Variants in ANKRD26 observed in about 807,000 individuals in gnomAD.
The protein encoded by ANKRD26 is ankyrin repeat domain-containing protein 26.
Under a neutral mutation model 208.7 loss-of-function variants are expected in ANKRD26, and 141 were observed. That is an observed-to-expected ratio of 0.68 (90% CI 0.59 to 0.78). The LOEUF (loss-of-function observed/expected upper bound fraction) is 0.78. ANKRD26 is among the 30% of genes least tolerant of loss of function. The pLI, the probability that ANKRD26 is intolerant of heterozygous loss-of-function variation, is 0.00. For synonymous variants in ANKRD26, 636 were observed against 660.4 expected, an observed-to-expected ratio of 0.96 and a Z score of 0.57; for missense variants, 1,889 against 1,938.7, an observed-to-expected ratio of 0.97 and a Z score of 0.48.
intron 25 of ANKRD26, among the ~76,000 whole-genome samples, chr10:27,032,914 A>G (rs1204998199): frequency 6.6e-6 from 1 of 151,350 alleles, no homozygotes; most frequent in Non-Finnish European, 1.5e-5. Flanking sequence ...TACTAAAAAA[A>G]ACCACAAAAA....
At chr10:27,013,178 C>T in intron 31 of ANKRD26, 68 bp from the exon 32 acceptor site, 1 of 1,414,868 alleles carries the variant, frequency 7.1e-7, no homozygotes. Context: ...AAAAGACTTG[C>T]AATTTTTAAA....
chr10:26,999,858 A>G (rs1404865942), downstream of ANKRD26, among the ~76,000 whole-genome samples: 1 of 152,032 alleles, frequency 6.6e-6, no homozygotes, highest in Non-Finnish European at 1.5e-5. Context: ...ACAGAAACAA[A>G]CAAGCAAAAC....
chr10:27,062,774 T>G (rs11015500), intron 12 of ANKRD26, among the ~76,000 whole-genome samples: 1 of 148,872 alleles, frequency 6.7e-6, no homozygotes, highest in Non-Finnish European at 1.5e-5. Context: ...TTCTTTCTTT[T>G]TTTTTTTTTT....
chr10:27,046,628 A>G, intron 17 of ANKRD26, 105 bp from the exon 18 acceptor site: 1 of 1,130,034 alleles, frequency 8.8e-7, no homozygotes, highest in Non-Finnish European at 1.3e-6. Context: ...AATCCATTAA[A>G]AAGCCAATGT....
At chr10:27,064,711 GA>G (rs1259701106) in intron 11 of ANKRD26, among the ~76,000 whole-genome samples, 3 of 152,010 alleles carry the variant, frequency 2.0e-5, no homozygotes, top group Non-Finnish European at 4.4e-5. Context: ...TTACTGATAG[GA>G]AAATGGTTGA....
Position 27,022,649 on chromosome 10 carries a change from T to C in ANKRD26, c.4124A>G (p.Asn1375Ser), listed in dbSNP as rs1468890522. 1 of 1,583,162 alleles carries C rather than the reference T, an allele frequency of 6.3e-7. No homozygotes were observed. Among genetic ancestry groups the C allele is most frequent in the South Asian group, 1.1e-5 (1 of 90,266 alleles). The change falls in exon 29 of 34, where the codon AAT (asparagine) becomes AGT (serine). Residue 1375 changes from asparagine to serine, a missense_variant. Around this residue, in one of 3 missense-constraint regions of ANKRD26, gnomAD observed 613 missense variants for 648.2 expected, o/e 0.95. Coordinates refer to ENST00000376087, the MANE Select transcript of ANKRD26 (RefSeq NM_014915.3). ...ACTAAATTCTCCATTTTCATATTCATTTAACTTCTTTCTTGTCATTTTTAA... is the reference window on the plus strand; with the variant it reads ...ACTAAATTCTCCATTTTCATATTCACTTAACTTCTTTCTTGTCATTTTTAA... ...NLLKMTRKKL[N>S]EYENGEFSFH...
chr10:27,093,909 C>T (rs943387691), intron 1 of ANKRD26, 110 bp from the exon 2 acceptor site: 15 of 870,032 alleles, frequency 1.7e-5, no homozygotes, highest in Non-Finnish European at 2.5e-5. Flanking sequence ...TTGGCTGTGT[C>T]CCCACCCAAA....
the ANKRD26 span, among the ~76,000 whole-genome samples, chr10:26,963,902 G>GTTTTTTTTTTTTTTTTTTTTTTTTT: frequency 1.5e-5 from 1 of 66,972 alleles, no homozygotes; most frequent in Admixed American, 1.4e-4. Flanking sequence ...ATGGTTGGTT[G>GTTTTTTTTTTTTTTTTTTTTTTTTT]GTTTTTTTTT....
intron 16 of ANKRD26, among the ~76,000 whole-genome samples, chr10:27,049,570 T>G (rs2054578350): frequency 6.6e-6 from 1 of 152,110 alleles, no homozygotes; most frequent in Admixed American, 6.6e-5. Flanking sequence ...AACTGCTGAG[T>G]TGCTGGTGTG....
intron 4 of ANKRD26, chr10:26,995,235 T>C (rs927587901): frequency 1.1e-5 from 5 of 466,146 alleles, no homozygotes; most frequent in East Asian, 1.4e-4. Context: ...GGTTAACCTA[T>C]TGACAGGTGT....
chr10:27,028,824 T>A (rs2053765995), intron 27 of ANKRD26, 28 bp downstream of exon 27: 1 of 1,569,308 alleles, frequency 6.4e-7, no homozygotes, highest in East Asian at 2.3e-5. Context: ...TCCTTTTCAG[T>A]ACGACAGAAA....
intron 23 of ANKRD26, 103 bp downstream of exon 23, chr10:27,037,083 C>A: frequency 8.0e-7 from 1 of 1,245,058 alleles, no homozygotes; most frequent in Non-Finnish European, 1.1e-6. Flanking sequence ...TTTAAAAATC[C>A]TCGACACTTT....
chr10:26,964,667 C>A, the ANKRD26 span, among the ~76,000 whole-genome samples: 1 of 152,214 alleles, frequency 6.6e-6, no homozygotes, highest in African/African-American at 2.4e-5. Context: ...TGAATGGGGT[C>A]CCCTGAGGTT....
chr10:26,949,067 A>G, the ANKRD26 span, among the ~76,000 whole-genome samples: 7 of 152,252 alleles, frequency 4.6e-5, no homozygotes, highest in East Asian at 1.4e-3. Context: ...ATCAGTGGGT[A>G]TTTAGTTTTA....
At chr10:27,082,049 TAAAAAA>T (rs994610726) in intron 6 of ANKRD26, among the ~76,000 whole-genome samples, 16 of 67,640 alleles carry the variant, frequency 2.4e-4, no homozygotes, top group East Asian at 8.5e-4. Flanking sequence ...TGCAGTTATT[TAAAAAA>T]AAAAAAAAAA....
intron 11 of ANKRD26, among the ~76,000 whole-genome samples, chr10:27,065,987 T>G (rs1279354943): frequency 7.0e-6 from 1 of 142,166 alleles, no homozygotes; most frequent in Non-Finnish European, 1.5e-5. Context: ...TGCCTCAGCC[T>G]CCCGAGTAGT....
the ANKRD26 span, among the ~76,000 whole-genome samples, chr10:26,962,138 G>C: frequency 2.0e-5 from 3 of 152,066 alleles, no homozygotes; most frequent in Admixed American, 1.3e-4. Flanking sequence ...GGAATTAAAA[G>C]ACATGTTTGG....
rs570137368 is a variant in ANKRD26, at chr10:27,028,986, T to A, written c.3879-41A>T. On this transcript the variant is annotated intron_variant, in intron 26 of 33. Coordinates refer to ENST00000376087, the MANE Select transcript of ANKRD26 (RefSeq NM_014915.3). ...TAAAATAATTATTCTCACAGATAAA[T>A]TTTTAAAATACTGTGTAATTTCTTA... 1.3e-5 allele frequency: 19 copies of A among 1,478,042 alleles called. No homozygotes were observed. The South Asian group carries it at 2.3e-4, about 18-fold the overall frequency. The allele number at this position is 1,478,042 out of a possible 1,614,324, so 91.6% of individuals were successfully genotyped here.
At chr10:26,963,903 G>GTT in the ANKRD26 span, among the ~76,000 whole-genome samples, 3,170 of 71,648 alleles carry the variant, frequency 0.044, 1,138 homozygotes, top group African/African-American at 0.26. Flanking sequence ...TGGTTGGTTG[G>GTT]TTTTTTTTTT....
Sources: gnomAD v4.1 joint callset for allele counts (sites outside exome capture counted in the v4.1 genomes callset) on GRCh38, gnomAD v4.1.1 for gene constraint, gnomAD v4.1.1 regional missense constraint, MANE v1.5 for transcripts, NCBI Gene and HGNC (gene_info 2026-07-23, HGNC 2026-07-21) for gene names.